Variants in AKT2 observed in about 807,000 individuals in gnomAD.
AKT2 encodes the protein AKT serine/threonine kinase 2.
Under a neutral mutation model 58.6 loss-of-function variants are expected in AKT2, and 16 were observed. That is an observed-to-expected ratio of 0.27 (90% CI 0.18 to 0.41). The LOEUF (loss-of-function observed/expected upper bound fraction) is 0.41. Among genes scored for constraint, AKT2 ranks in the 10% least tolerant of loss-of-function variants. The pLI is 1.00. For missense variants in AKT2, 438 were observed against 661.0 expected, an observed-to-expected ratio of 0.66 and a Z score of 3.70; for synonymous variants, 253 against 254.0, an observed-to-expected ratio of 1.00 and a Z score of 0.04.
chr19:40,283,815 C>T (rs1414026992), intron 1 of AKT2, among the ~76,000 whole-genome samples: 2 of 152,230 alleles, frequency 1.3e-5, no homozygotes, highest in Non-Finnish European at 2.9e-5. Context: ...CACTCCAAGT[C>T]CCCTTGGCCT....
intron 4 of AKT2, among the ~76,000 whole-genome samples, chr19:40,247,805 C>G (rs984084349): frequency 1.3e-5 from 2 of 152,270 alleles, no homozygotes; most frequent in African/African-American, 4.8e-5. Context: ...GCTAAAATGA[C>G]AAGACCGAAG....
chr19:40,268,769 C>T (rs549293760), intron 1 of AKT2: 4 of 152,410 alleles, frequency 2.6e-5, no homozygotes, highest in Non-Finnish European at 5.9e-5. Flanking sequence ...AGGGTGGTGC[C>T]TCAGCTGAGG....
In AKT2 at chr19:40,237,992, C is replaced by T; in HGVS notation, c.808G>A (p.Asp270Asn). Reference sequence around the variant, plus strand: ...ACCTTGATGTCGCGGTATACCACGTCCCGCGAGTGCAAGTACTCAAGAGCC... The same window carrying T: ...ACCTTGATGTCGCGGTATACCACGTTCCGCGAGTGCAAGTACTCAAGAGCC... ...VSALEYLHSR[D>N]VVYRDIKLEN... The change falls in exon 9 of 14, where the codon GAC becomes AAC. Residue 270 changes from aspartate to asparagine, a missense_variant. By Grantham distance (23) the Asp-to-Asn change is conservative. Coordinates refer to ENST00000392038, the MANE Select transcript of AKT2 (RefSeq NM_001626.6). The surrounding 1 kb of genome is among the most constrained non-coding windows in gnomAD (Gnocchi z 4.5). 1 of 1,613,674 alleles carries T rather than the reference C, an allele frequency of 6.2e-7. No homozygotes were observed. The highest frequency in any genetic ancestry group is 8.5e-7 in the Non-Finnish European group (1 of 1,179,918).
At chr19:40,275,773 G>T in intron 1 of AKT2, among the ~76,000 whole-genome samples, 1 of 97,894 alleles carries the variant, frequency 1.0e-5, no homozygotes, top group South Asian at 5.4e-4. Flanking sequence ...CTGGGGGGGG[G>T]GGGGGTGGGC....
intron 2 of AKT2, among the ~76,000 whole-genome samples, chr19:40,263,740 T>C (rs1323698585): frequency 6.6e-6 from 1 of 152,218 alleles, no homozygotes; most frequent in African/African-American, 2.4e-5. Context: ...CCTGTCTGCG[T>C]CTGCAGGCTG....
intron 2 of AKT2, 130 bp downstream of exon 2, chr19:40,265,092 G>A: frequency 7.3e-7 from 1 of 1,371,764 alleles, no homozygotes; most frequent in Non-Finnish European, 1.0e-6. Context: ...ATAAGCAGCT[G>A]TGGGCCTGGG....
chr19:40,284,181 T>G (rs1018630937), intron 1 of AKT2, among the ~76,000 whole-genome samples: 2 of 151,868 alleles, frequency 1.3e-5, no homozygotes, highest in African/African-American at 4.8e-5. Context: ...AATCCCAAGA[T>G]CAAGATGCCC....
intron 2 of AKT2, among the ~76,000 whole-genome samples, chr19:40,262,977 G>C (rs780541870): frequency 2.0e-5 from 3 of 152,236 alleles, no homozygotes; most frequent in Non-Finnish European, 4.4e-5. Context: ...AGGCCCAAGA[G>C]TGCAGGTGTG....
At position 40,233,489 on chromosome 19, in the gene AKT2, C is replaced by T. The variant is rs1473852005; in HGVS notation, c.*383G>A. Reference sequence around the variant, plus strand: ...TCGCGTCCCACCAGAAGGCAGCCTTCGTCCAGATGCAGCAGCGCGGAGGCA... The same window carrying T: ...TCGCGTCCCACCAGAAGGCAGCCTTTGTCCAGATGCAGCAGCGCGGAGGCA... On this transcript the variant is annotated 3_prime_UTR_variant, in exon 14 of 14. Coordinates refer to ENST00000392038, the MANE Select transcript of AKT2 (RefSeq NM_001626.6). The surrounding 1 kb of genome is among the most constrained non-coding windows in gnomAD (Gnocchi z 4.3). 19 of 562,826 alleles carry T rather than the reference C, an allele frequency of 3.4e-5. No individual in the cohort carries two copies. Among genetic ancestry groups the T allele is most frequent in the South Asian group, 1.1e-4 (7 of 63,924 alleles). The allele number at this position is 562,826 out of a possible 1,614,324, so 34.9% of individuals were successfully genotyped here.
chr19:40,253,455 A>T lies in AKT2; in HGVS notation c.287+1703T>A, dbSNP rs887636640. On this transcript the variant is annotated intron_variant, in intron 4 of 13. Transcript: ENST00000392038. ...AGAAAAAGACCAACTACCCAACAGA[A>T]AAATAGACAATATAGACACTTCAGA... 4.7e-4 allele frequency among the ~76,000 whole-genome samples: 32 copies of T among 68,638 alleles called. 1 individual carries two copies. Among genetic ancestry groups the T allele is most frequent in the African/African-American group, 2.2e-3 (32 of 14,458 alleles). 45.0% of individuals were successfully genotyped at this position (68,638 alleles called of 152,430 possible).
chr19:40,273,553 T>TAA (rs2077256752), intron 1 of AKT2: 1 of 151,440 alleles, frequency 6.6e-6, no homozygotes, highest in African/African-American at 2.4e-5. Context: ...TTTTTTCTTT[T>TAA]AAACACACTC....
intron 1 of AKT2, chr19:40,282,181 T>C (rs2077435573): frequency 4.3e-6 from 1 of 230,624 alleles, no homozygotes; most frequent in Non-Finnish European, 8.8e-6. Context: ...ATGCCTCCGT[T>C]CCATAACATA....
rs781682925 is a variant in AKT2 at position 40,236,000 on chromosome 19, G to A, written c.1065C>T (p.His355=). The A allele has an allele frequency of 2.1e-5, 34 of 1,614,016 alleles. No individual in the cohort carries two copies. The Admixed American group carries it at 4.2e-4, about 20-fold the overall frequency. ...TGAGGATGAGCTCGAAGAGGCGCTC[G>A]TGGTCCTGGTTGTAGAAGGGCAGGC... is the stretch of plus-strand genomic sequence containing the variant. ...CGRLPFYNQD[H]ERLFELILME... Residue 355 remains histidine (H), a synonymous_variant, in exon 11 of 14, where the codon CAC becomes CAT. Coordinates refer to ENST00000392038, the MANE Select transcript of AKT2 (RefSeq NM_001626.6). This position sits in a 1 kb window ranked among gnomAD's most constrained non-coding sequence, Gnocchi z 6.3.
intron 1 of AKT2, chr19:40,282,383 T>C (rs2077438941): frequency 2.4e-6 from 1 of 420,804 alleles, no homozygotes; most frequent in East Asian, 7.1e-5. Flanking sequence ...CTAACGCAGG[T>C]CCCTGGTAGC....
intron 1 of AKT2, among the ~76,000 whole-genome samples, chr19:40,277,948 G>A (rs530820401): frequency 1.3e-5 from 2 of 152,338 alleles, no homozygotes; most frequent in East Asian, 3.9e-4. Context: ...GGCCCCTAGG[G>A]CAGTGGGGAG....
chr19:40,257,316 A>C (rs1975608842), intron 2 of AKT2, among the ~76,000 whole-genome samples: 1 of 152,224 alleles, frequency 6.6e-6, no homozygotes, highest in Non-Finnish European at 1.5e-5. Context: ...CTGGGGCACC[A>C]GTTGCCTCAG....
At chr19:40,249,740 G>A in intron 4 of AKT2, among the ~76,000 whole-genome samples, 1 of 152,266 alleles carries the variant, frequency 6.6e-6, no homozygotes, top group Non-Finnish European at 1.5e-5. Context: ...ATCTAGCTCA[G>A]AGAATTTAAT....
intron 3 of AKT2, among the ~76,000 whole-genome samples, chr19:40,256,163 G>A (rs1179855101): frequency 6.6e-6 from 1 of 152,194 alleles, no homozygotes; most frequent in Non-Finnish European, 1.5e-5. Context: ...GTGAGACACT[G>A]AGGTTGGGAA....
At chr19:40,284,139 G>C (rs1435690474) in intron 1 of AKT2, among the ~76,000 whole-genome samples, 2 of 152,128 alleles carry the variant, frequency 1.3e-5, no homozygotes, top group African/African-American at 4.8e-5. Flanking sequence ...TGAGCCCCAA[G>C]AGGTCTCCAA....
Sources: allele counts gnomAD v4.1 joint callset (sites outside exome capture counted in the v4.1 genomes callset), GRCh38; gene constraint gnomAD v4.1.1; non-coding constraint Gnocchi (gnomAD v3.1); transcripts MANE v1.5; gene names NCBI Gene and HGNC (gene_info 2026-07-23, HGNC 2026-07-21).